PDE1C: variants seen among roughly 807,000 people sequenced by gnomAD.
PDE1C encodes the protein phosphodiesterase 1C.
A neutral mutation model predicts 93.1 loss-of-function variants in PDE1C; 62 were observed. That is an observed-to-expected ratio of 0.67 (90% CI 0.54 to 0.82). PDE1C has a LOEUF of 0.82. Among genes scored for constraint, PDE1C ranks in the 40% least tolerant of loss-of-function variants. The pLI, the probability that PDE1C is intolerant of heterozygous loss-of-function variation, is 0.00. For missense variants in PDE1C, 742 were observed against 884.6 expected, an observed-to-expected ratio of 0.84 and a Z score of 2.04; for synonymous variants, 325 against 310.1, an observed-to-expected ratio of 1.05 and a Z score of -0.50.
At chr7:32,420,122 TATACACACACACAC>T (rs1459106518) in intron 1 of PDE1C, among the ~76,000 whole-genome samples, 3 of 19,562 alleles carry the variant, frequency 1.5e-4, no homozygotes, top group Non-Finnish European at 2.2e-4. Flanking sequence ...TATATATATA[TATACACACACACAC>T]ACACACACAC....
At chr7:32,394,929 G>C (rs1403662213) in intron 1 of PDE1C, among the ~76,000 whole-genome samples, 1 of 152,032 alleles carries the variant, frequency 6.6e-6, no homozygotes, top group Non-Finnish European at 1.5e-5. Flanking sequence ...TTGGCCTTCT[G>C]TCATGATTGG....
intron 1 of PDE1C, among the ~76,000 whole-genome samples, chr7:32,409,768 C>G (rs1035698145): frequency 6.6e-6 from 1 of 151,806 alleles, no homozygotes; most frequent in African/African-American, 2.4e-5. Context: ...TATATATTCA[C>G]ACATATATCT....
intron 3 of PDE1C, among the ~76,000 whole-genome samples, chr7:32,114,759 A>G (rs1335253413): frequency 6.6e-6 from 1 of 152,200 alleles, no homozygotes; most frequent in Non-Finnish European, 1.5e-5. Flanking sequence ...AAGTTAAACA[A>G]ATTTACAAGA....
chr7:31,623,827 A>C, the PDE1C span, among the ~76,000 whole-genome samples: 2 of 152,326 alleles, frequency 1.3e-5, no homozygotes, highest in African/African-American at 2.4e-5. Flanking sequence ...GAGCAAGTCA[A>C]ATTGTCCCTG....
At chr7:32,125,176 T>G (rs1199625442) in intron 3 of PDE1C, among the ~76,000 whole-genome samples, 3 of 152,180 alleles carry the variant, frequency 2.0e-5, no homozygotes, top group African/African-American at 7.2e-5. Flanking sequence ...AGATACCATC[T>G]CACGCCAGTC....
At chr7:32,212,778 C>T in intron 1 of PDE1C, among the ~76,000 whole-genome samples, 1 of 152,180 alleles carries the variant, frequency 6.6e-6, no homozygotes, top group East Asian at 1.9e-4. Context: ...CACACCCCAC[C>T]TTCTCCATCC....
intron 6 of PDE1C, among the ~76,000 whole-genome samples, chr7:31,869,200 A>C (rs771171918): frequency 1.3e-5 from 2 of 152,160 alleles, no homozygotes; most frequent in Non-Finnish European, 2.9e-5. Flanking sequence ...AATAATAAGA[A>C]TGTAAGAAAG....
intron 2 of PDE1C, among the ~76,000 whole-genome samples, chr7:32,207,530 C>T (rs1805675228): frequency 6.6e-6 from 1 of 152,164 alleles, no homozygotes; most frequent in South Asian, 2.1e-4. Flanking sequence ...TCTAATCTTT[C>T]CCTCTCTAGA....
chr7:31,681,387 GGA>G, the PDE1C span, among the ~76,000 whole-genome samples: 2 of 150,184 alleles, frequency 1.3e-5, no homozygotes, highest in African/African-American at 2.4e-5. Flanking sequence ...ATGGATGGAT[GGA>G]TGGATGGATG....
rs113042112 is a variant in PDE1C at position 32,013,199 on chromosome 7, A to T, written c.128+38355T>A. ...AAACTCAAAAGTAAGTTTTTTAATT[A>T]TCTAAAATCAAATTTTCAAATATGA... On this transcript the variant is annotated intron_variant, in intron 2 of 17. Coordinates refer to ENST00000396191, the MANE Select transcript of PDE1C (RefSeq NM_001191057.4). Among the ~76,000 whole-genome samples the T allele has an allele frequency of 6.1e-3, 934 of 152,316 alleles. 8 individuals carry two copies. The highest frequency in any genetic ancestry group is 0.021 in the African/African-American group (872 of 41,550).
chr7:31,846,814 G>T (rs534554158), intron 9 of PDE1C, among the ~76,000 whole-genome samples: 1 of 152,198 alleles, frequency 6.6e-6, no homozygotes, highest in South Asian at 2.1e-4. Context: ...GAATTGCTCT[G>T]CATTTTTCAG....
intron 1 of PDE1C, among the ~76,000 whole-genome samples, chr7:32,280,114 C>T (rs907489775): frequency 2.0e-5 from 3 of 152,084 alleles, no homozygotes; most frequent in African/African-American, 7.2e-5. Flanking sequence ...GATTTTAATG[C>T]TTTGGTCTGG....
chr7:32,070,485 G>A (rs1249731920), upstream of PDE1C: 10 of 1,563,050 alleles, frequency 6.4e-6, no homozygotes, highest in East Asian at 2.3e-4. Context: ...GCCCAGCCAG[G>A]CGCGGCGCGC....
At chr7:32,088,395 G>A (rs775572068) in intron 3 of PDE1C, among the ~76,000 whole-genome samples, 2 of 152,144 alleles carry the variant, frequency 1.3e-5, no homozygotes, top group Non-Finnish European at 2.9e-5. Context: ...GCCTCACACC[G>A]AATCCTTTTG....
At chr7:31,649,145 G>A in the PDE1C span, among the ~76,000 whole-genome samples, 1 of 152,240 alleles carries the variant, frequency 6.6e-6, no homozygotes, top group African/African-American at 2.4e-5. Context: ...ATAAAAGCGA[G>A]AGGATAGAAT....
At chr7:32,083,711 A>C (rs1048240770) in intron 3 of PDE1C, among the ~76,000 whole-genome samples, 1 of 152,134 alleles carries the variant, frequency 6.6e-6, no homozygotes, top group Non-Finnish European at 1.5e-5. Context: ...ATTCTTAAAG[A>C]AAATAATTTT....
chr7:32,265,905 G>A (rs750727963), intron 1 of PDE1C, among the ~76,000 whole-genome samples: 1 of 152,140 alleles, frequency 6.6e-6, no homozygotes, highest in Non-Finnish European at 1.5e-5. Context: ...GGAACATCTG[G>A]AAGACCTCCC....
intron 1 of PDE1C, chr7:32,209,582 T>C (rs1805856549): frequency 6.7e-7 from 1 of 1,490,390 alleles, no homozygotes; most frequent in Non-Finnish European, 9.1e-7. Flanking sequence ...AATAAAGCAA[T>C]GTGTCCACCA....
intron 2 of PDE1C, among the ~76,000 whole-genome samples, chr7:31,944,324 G>A (rs1387665750): frequency 6.6e-6 from 1 of 152,146 alleles, no homozygotes; most frequent in Non-Finnish European, 1.5e-5. Flanking sequence ...CCGCAATCCT[G>A]AGCACAGAAC....
Sources: gnomAD v4.1 joint callset for allele counts (sites outside exome capture counted in the v4.1 genomes callset) on GRCh38, gnomAD v4.1.1 for gene constraint, MANE v1.5 for transcripts, NCBI Gene and HGNC (gene_info 2026-07-23, HGNC 2026-07-21) for gene names.